Variants in MAPK8IP3 observed in about 807,000 individuals in gnomAD.
The protein encoded by MAPK8IP3 is mitogen-activated protein kinase 8 interacting protein 3.
MAPK8IP3 carries 49 observed loss-of-function variants against 157.8 expected under a neutral mutation model. That is an observed-to-expected ratio of 0.31 (90% CI 0.25 to 0.39). The LOEUF (loss-of-function observed/expected upper bound fraction) is 0.39, where lower values mean the gene tolerates loss of function less well. Among genes scored for constraint, MAPK8IP3 ranks in the 10% least tolerant of loss-of-function variants. MAPK8IP3 has a pLI of 1.00. For synonymous variants in MAPK8IP3, 897 were observed against 777.7 expected (o/e 1.15, Z -2.55); for missense variants, 1,478 against 1,889.4 (o/e 0.78, Z 4.04).
chr16:1,744,984 A>C, intron 5 of MAPK8IP3: 1 of 984,964 alleles, frequency 1.0e-6, no homozygotes, highest in Non-Finnish European at 1.2e-6. Flanking sequence ...TCAGTGTTTT[A>C]ACCAAACAGT....
At chr16:1,764,249 G>C (rs1022278281) in intron 18 of MAPK8IP3, 39 bp downstream of exon 18, 1 of 1,599,670 alleles carries the variant, frequency 6.3e-7, no homozygotes, top group Non-Finnish European at 8.5e-7. Context: ...GGCTGGGCGA[G>C]CGGGAGGCTG....
At chr16:1,746,773 C>T (rs546449383) in intron 5 of MAPK8IP3, 2 of 535,230 alleles carry the variant, frequency 3.7e-6, no homozygotes, top group East Asian at 3.1e-5. Flanking sequence ...AGTGGAAAGC[C>T]CCGTTCCAAG....
intron 1 of MAPK8IP3, among the ~76,000 whole-genome samples, chr16:1,711,659 A>G (rs372001024): frequency 2.0e-5 from 3 of 152,068 alleles, no homozygotes; most frequent in African/African-American, 7.2e-5. Context: ...TGGGGTCCCA[A>G]CGCTGGGCGC....
At chr16:1,722,758 G>A (rs1441015820) in intron 1 of MAPK8IP3, among the ~76,000 whole-genome samples, 1 of 151,532 alleles carries the variant, frequency 6.6e-6, no homozygotes, top group Non-Finnish European at 1.5e-5. Flanking sequence ...AGGCTGGAGT[G>A]CGGTGGCGCT....
rs1880838017 is a variant in MAPK8IP3 at position 1,767,897 on chromosome 16, A to G, written c.3502A>G (p.Ile1168Val). ...LWVGTGNGVVISIPLTETVVL... is the reference protein window; with the variant it reads ...LWVGTGNGVVVSIPLTETVVL... Reference sequence around the variant, plus strand: ...GGTGGGCACCGGCAACGGAGTGGTCATCTCCATCCCCCTGACAGAGAGTGA... The same window carrying G: ...GGTGGGCACCGGCAACGGAGTGGTCGTCTCCATCCCCCTGACAGAGAGTGA... The change falls in exon 28 of 32, where the codon ATC (isoleucine) becomes GTC (valine). Residue 1168 changes from isoleucine (I) to valine (V), a missense_variant. This residue lies in a region of MAPK8IP3 where 83 missense variants were observed against 85.3 expected (regional missense o/e 0.97). Coordinates refer to ENST00000610761, the MANE Select transcript of MAPK8IP3 (RefSeq NM_001318852.2). 1.2e-6 allele frequency: 2 copies of G among 1,611,274 alleles called. No individual in the cohort carries two copies. The highest frequency in any genetic ancestry group is 1.1e-5 in the South Asian group (1 of 91,074).
At chr16:1,731,204 C>G (rs2039296297) in intron 4 of MAPK8IP3, among the ~76,000 whole-genome samples, 1 of 152,012 alleles carries the variant, frequency 6.6e-6, no homozygotes, top group Admixed American at 6.6e-5. Context: ...TGGTGCATGC[C>G]TGTGGTCCCA....
intron 4 of MAPK8IP3, among the ~76,000 whole-genome samples, chr16:1,735,358 GTCCATGTGAGCA>G: frequency 6.6e-6 from 1 of 151,512 alleles, no homozygotes; most frequent in East Asian, 1.9e-4. Context: ...GCGTGTGAGC[GTCCATGTGAGCA>G]TCCACGTGAG....
chr16:1,763,850 C>G, intron 17 of MAPK8IP3, 67 bp downstream of exon 17: 1 of 286,250 alleles, frequency 3.5e-6, no homozygotes. Flanking sequence ...AGGGGCGGGG[C>G]GCTGTGGGGC....
At chr16:1,739,237 A>AGCTTCC in intron 4 of MAPK8IP3, among the ~76,000 whole-genome samples, 1 of 70,438 alleles carries the variant, frequency 1.4e-5, no homozygotes, top group East Asian at 4.1e-4. Context: ...CGTCCGTGAG[A>AGCTTCC]GTGTGACCAT....
chr16:1,763,635 C>T (rs1487960880), intron 16 of MAPK8IP3, 22 bp from the exon 17 acceptor site: 2 of 1,534,028 alleles, frequency 1.3e-6, no homozygotes, highest in Admixed American at 2.0e-5. Context: ...ACAGAGACAT[C>T]ACCCATCATT....
chr16:1,735,992 ATCC>A (rs2039731453), intron 4 of MAPK8IP3, among the ~76,000 whole-genome samples: 1 of 113,720 alleles, frequency 8.8e-6, no homozygotes, highest in Non-Finnish European at 1.8e-5. Context: ...CCATGTGAGC[ATCC>A]GTGTGACCGT....
chr16:1,714,684 G>A (rs927435331), intron 1 of MAPK8IP3, among the ~76,000 whole-genome samples: 2 of 152,002 alleles, frequency 1.3e-5, no homozygotes, highest in African/African-American at 2.4e-5. Flanking sequence ...CCAGATATAC[G>A]CACAGTCCCA....
chr16:1,711,855 G>A (rs1053088381), intron 1 of MAPK8IP3, among the ~76,000 whole-genome samples: 18 of 150,718 alleles, frequency 1.2e-4, no homozygotes, highest in African/African-American at 3.7e-4. Flanking sequence ...CAGGAGAATC[G>A]CTTGAACACA....
chr16:1,752,302 C>G (rs894133924), intron 8 of MAPK8IP3: 6 of 192,702 alleles, frequency 3.1e-5, no homozygotes, highest in African/African-American at 1.4e-4. Flanking sequence ...GCGTTCCACG[C>G]CCTCCGTGCA....
rs374998630 is a variant in MAPK8IP3 at position 1,762,703 on chromosome 16, G to A, written c.1699G>A (p.Glu567Lys). The A allele has an allele frequency of 2.5e-6, 4 of 1,571,468 alleles. No individual in the cohort carries two copies. The highest frequency in any genetic ancestry group is 3.5e-6 in the Non-Finnish European group (4 of 1,156,878). ...GTCCCGAGAGCACCCATCCGTCCAGGAGAAGAAGAAGTCGACCATCTGGCA... is the reference window on the plus strand; with the variant it reads ...GTCCCGAGAGCACCCATCCGTCCAGAAGAAGAAGAAGTCGACCATCTGGCA... Reference protein sequence around the residue: ...RASREHPSVQEKKKSTIWQFF... With the variant: ...RASREHPSVQKKKKSTIWQFF... The change falls in exon 15 of 32, where the codon GAG becomes AAG. Residue 567 changes from glutamate to lysine, a missense_variant. By Grantham distance (56) the Glu-to-Lys change is moderately conservative. Coordinates refer to ENST00000610761, the MANE Select transcript of MAPK8IP3 (RefSeq NM_001318852.2).
intron 1 of MAPK8IP3, among the ~76,000 whole-genome samples, chr16:1,717,877 A>G (rs558086981): frequency 6.6e-6 from 1 of 150,682 alleles, no homozygotes; most frequent in Admixed American, 6.6e-5. Flanking sequence ...TTTGAGATGG[A>G]GTCTCGCTCT....
At chr16:1,759,835 G>A in intron 10 of MAPK8IP3, 123 bp from the exon 11 acceptor site, 2 of 830,550 alleles carry the variant, frequency 2.4e-6, no homozygotes, top group Non-Finnish European at 4.0e-6. Context: ...GCTCCCTGTA[G>A]ATCGGGCGTC....
chr16:1,745,210 T>C (rs1468430714), intron 5 of MAPK8IP3: 1 of 983,794 alleles, frequency 1.0e-6, no homozygotes. Context: ...GCAGCCACCA[T>C]GAGGGTCAGG....
At position 1,767,907 on chromosome 16, in the gene MAPK8IP3, C is replaced by T; in HGVS notation, c.3512C>T (p.Pro1171Leu). 6.2e-7 allele frequency: 1 copy of T among 1,611,144 alleles called. No homozygotes were observed. Among genetic ancestry groups the T allele is most frequent in the Non-Finnish European group, 8.5e-7 (1 of 1,179,850 alleles). ...GTGNGVVISI[P>L]LTETVVLHRG... Reference sequence around the variant, plus strand: ...GGCAACGGAGTGGTCATCTCCATCCCCCTGACAGAGAGTGAGTGGCCTGCA... The same window carrying T: ...GGCAACGGAGTGGTCATCTCCATCCTCCTGACAGAGAGTGAGTGGCCTGCA... The change falls in exon 28 of 32, where the codon CCC (proline) becomes CTC (leucine). Residue 1171 changes from proline (P) to leucine (L), a missense_variant. Physicochemically the swap from Pro to Leu is moderately conservative, Grantham distance 98. Around this residue, in one of 11 missense-constraint regions of MAPK8IP3, gnomAD observed 83 missense variants for 85.3 expected, o/e 0.97. Transcript: ENST00000610761.
Sources: gnomAD v4.1 joint callset for allele counts (sites outside exome capture counted in the v4.1 genomes callset) on GRCh38, gnomAD v4.1.1 for gene constraint, gnomAD v4.1.1 regional missense constraint, MANE v1.5 for transcripts, NCBI Gene and HGNC (gene_info 2026-07-23, HGNC 2026-07-21) for gene names.